Variants in APOC2 observed in about 807,000 individuals in gnomAD.
APOC2 encodes apolipoprotein C2, also known as apolipoprotein C-II.
In APOC2, 6 loss-of-function variants were observed where a neutral mutation model predicts 10.2. The ratio of observed to expected loss-of-function variants is 0.59; its 90% CI spans 0.32 to 1.16. The LOEUF (loss-of-function observed/expected upper bound fraction) is 1.16. Among genes scored for constraint, APOC2 ranks in the 50% most tolerant of loss-of-function variants. The probability of loss-of-function intolerance (pLI) is 0.05; values close to 1 mark genes in which losing one functional copy is unlikely to be tolerated. For missense variants in APOC2, 110 were observed against 117.6 expected (o/e 0.94, Z 0.30); for synonymous variants, 56 against 48.5 (o/e 1.15, Z -0.64).
At chr19:44,947,388 C>T (rs1162478091) in intron 1 of APOC2, 1 of 152,294 alleles carries the variant, frequency 6.6e-6, no homozygotes, top group Non-Finnish European at 1.5e-5. Context: ...ATTTGATCTA[C>T]TGTAGGTCCT....
Position 44,949,365 on chromosome 19 carries a change from T to C in APOC2, c.*116T>C, listed in dbSNP as rs537917972. 1.3e-3 allele frequency: 983 copies of C among 780,960 alleles called. 1 individual carries two copies. Among genetic ancestry groups the C allele is most frequent in the Non-Finnish European group, 1.5e-3 (670 of 451,970 alleles). The allele number at this position is 780,960 out of a possible 1,614,324, so 48.4% of individuals were successfully genotyped here. A position where few individuals can be genotyped will look rare whatever the true frequency, so the allele number is the denominator to read the frequency against. ...TTGCATCCTCCTCCCAACTCTAGCC[T>C]GAATTCTTTTCAATAAAAAATACAA... On this transcript the variant is annotated 3_prime_UTR_variant, in exon 4 of 4. Transcript: ENST00000252490.
rs1970359518 is a variant in APOC2, at chr19:44,949,305, C to G, written c.*56C>G. 7.1e-7 allele frequency: 1 copy of G among 1,402,774 alleles called. No individual in the cohort carries two copies. Among genetic ancestry groups the G allele is most frequent in the African/African-American group, 1.4e-5 (1 of 70,904 alleles). The allele number at this position is 1,402,774 out of a possible 1,614,324, so 86.9% of individuals were successfully genotyped here. Reference sequence around the variant, plus strand: ...AGAGTCCCCTACTCCCCTGATCCCCCAGGTTCAGACTGAGCTCCCCCTTCC... The same window carrying G: ...AGAGTCCCCTACTCCCCTGATCCCCGAGGTTCAGACTGAGCTCCCCCTTCC... On this transcript the variant is annotated 3_prime_UTR_variant, in exon 4 of 4. Transcript: ENST00000252490.
chr19:44,946,191 C>CTCTGTGTGTG (rs1302189302), intron 1 of APOC2, 116 bp downstream of exon 1: 1 of 134,048 alleles, frequency 7.5e-6, no homozygotes, highest in Non-Finnish European at 1.6e-5. Context: ...GGAACCATGA[C>CTCTGTGTGTG]TGTGTGTGTG....
intron 1 of APOC2, 116 bp downstream of exon 1, chr19:44,946,191 C>CTGTG (rs71338739): frequency 0.051 from 6,823 of 133,940 alleles, 211 homozygotes; most frequent in Middle Eastern, 0.11. Flanking sequence ...GGAACCATGA[C>CTGTG]TGTGTGTGTG....
Position 44,948,501 on chromosome 19 carries a change from C to A in APOC2, c.23C>A (p.Ala8Asp). The part of the protein sequence containing the change: MGTRLLP[A>D]LFLVLLVLGF... Reference sequence around the variant, plus strand: ...ACTATGGGCACACGACTCCTCCCAGCTCTGTTTCTTGTCCTCCTGGTATTG... The same window carrying A: ...ACTATGGGCACACGACTCCTCCCAGATCTGTTTCTTGTCCTCCTGGTATTG... Residue 8 changes from alanine to aspartate, a missense_variant, in exon 2 of 4, where the codon GCT becomes GAT. Physicochemically the swap from Ala to Asp is moderately radical, Grantham distance 126. Coordinates refer to ENST00000252490, the MANE Select transcript of APOC2 (RefSeq NM_000483.5). 1 of 1,614,120 alleles carries A rather than the reference C, an allele frequency of 6.2e-7. No homozygotes were observed. The highest frequency in any genetic ancestry group is 8.5e-7 in the Non-Finnish European group (1 of 1,180,006).
chr19:44,948,914 A>G (rs1970352816), intron 3 of APOC2, 54 bp downstream of exon 3: 9 of 1,604,138 alleles, frequency 5.6e-6, no homozygotes, highest in Non-Finnish European at 7.6e-6. Context: ...GACTGCATCC[A>G]GGACCCAGAA....
chr19:44,949,494 G>C lies in APOC2; in HGVS notation c.*245G>C, dbSNP rs895588800. The C allele has an allele frequency of 1.8e-6, 1 of 560,426 alleles. No homozygotes were observed. Among genetic ancestry groups the C allele is most frequent in the Non-Finnish European group, 3.2e-6 (1 of 311,722 alleles). The allele number at this position is 560,426 out of a possible 1,614,324, so 34.7% of individuals were successfully genotyped here. ...AACATTTAATGAGCACCTACTTTATGTATGGAGCTCTAACCCATGGGTCCA... is the reference window on the plus strand; with the variant it reads ...AACATTTAATGAGCACCTACTTTATCTATGGAGCTCTAACCCATGGGTCCA... On this transcript the variant is annotated 3_prime_UTR_variant, in exon 4 of 4. Transcript: ENST00000252490.
chr19:44,946,995 T>C (rs12721076), intron 1 of APOC2, among the ~76,000 whole-genome samples: 16,982 of 151,934 alleles, frequency 0.11, 1,135 homozygotes, highest in South Asian at 0.25. Context: ...CTACTAAAAA[T>C]ACAAAAATTA....
rs773825841 is a variant in APOC2 at position 44,947,569 on chromosome 19, G to C, written c.-13-897G>C. The stretch of plus-strand genomic sequence containing the variant: ...CAGCACCCTGGGGAGGCCGAGATGG[G>C]AGGATCGCTTGAGCCCAGGAGTTCC... On this transcript the variant is annotated intron_variant, in intron 1 of 3. Transcript: ENST00000252490. Among the ~76,000 whole-genome samples the C allele has an allele frequency of 1.3e-5, 2 of 152,144 alleles. 1 individual carries two copies. The highest frequency in any genetic ancestry group is 2.9e-5 in the Non-Finnish European group (2 of 68,018).
In APOC2 at chr19:44,949,295, C is replaced by T. The variant is rs1175315985; in HGVS notation, c.*46C>T. 8 of 1,510,758 alleles carry T rather than the reference C, an allele frequency of 5.3e-6. No homozygotes were observed. In the South Asian group the frequency reaches 8.1e-5, roughly 15 times the overall value. 93.6% of individuals were successfully genotyped at this position (1,510,758 alleles called of 1,614,324 possible). ...GGACAAGGGGAGAGTCCCCTACTCC[C>T]CTGATCCCCCAGGTTCAGACTGAGC... On this transcript the variant is annotated 3_prime_UTR_variant, in exon 4 of 4. Transcript: ENST00000252490.
In APOC2 at chr19:44,948,822, C is replaced by T. The variant is rs120074111; in HGVS notation, c.177C>T (p.Tyr59=). Residue 59 remains tyrosine, a synonymous_variant, in exon 3 of 4, where the codon TAC becomes TAT. Transcript: ENST00000252490. ...CAAAGACAGCCGCCCAGAACCTGTA[C>T]GAGAAGACATACCTGCCCGCTGTAG... ...ESAKTAAQNL[Y]EKTYLPAVDE... is the part of the protein sequence containing the mutation. 1.2e-5 allele frequency: 19 copies of T among 1,613,844 alleles called. No individual in the cohort carries two copies. The highest frequency in any genetic ancestry group is 2.2e-5 in the South Asian group (2 of 91,092).
chr19:44,946,862 G>C (rs1434314218), intron 1 of APOC2, among the ~76,000 whole-genome samples: 1 of 152,018 alleles, frequency 6.6e-6, no homozygotes, highest in African/African-American at 2.4e-5. Flanking sequence ...AACTAAAAAA[G>C]AACTGTAGGC....
rs1491144990 is a variant in APOC2 at position 44,949,018 on chromosome 19, TCC to T, written c.216-139_216-138del. 8.3e-4 allele frequency: 874 copies of T among 1,057,056 alleles called. 27 individuals are homozygous for T. The highest frequency in any genetic ancestry group is 2.7e-3 in the African/African-American group (122 of 45,778). 65.5% of individuals were successfully genotyped at this position (1,057,056 alleles called of 1,614,324 possible). A position where few individuals can be genotyped will look rare whatever the true frequency, so the allele number is the denominator to read the frequency against. The stretch of plus-strand genomic sequence containing the variant: ...AGGAGTCCAGGCCCCCAGCCCGTCC[TCC>T]CTCAGACCCAGGAGTCCAGGCCCCC... On this transcript the variant is annotated intron_variant, in intron 3 of 3. Coordinates refer to ENST00000252490, the MANE Select transcript of APOC2 (RefSeq NM_000483.5).
At position 44,947,249 on chromosome 19, in the gene APOC2, G is replaced by T. The variant is rs961821598; in HGVS notation, c.-14+1174G>T. ...CCGTACTTCCTCATCTCCTACGTGT[G>T]GATGATGATATTGTGCCCTGTGCAT... On this transcript the variant is annotated intron_variant, in intron 1 of 3. Transcript: ENST00000252490. The T allele has an allele frequency of 2.6e-5, 4 of 152,374 alleles. No homozygotes were observed. In the East Asian group the frequency reaches 7.7e-4, roughly 29 times the overall value. 9.4% of individuals were successfully genotyped at this position (152,374 alleles called of 1,614,324 possible).
At position 44,948,553 on chromosome 19, in the gene APOC2, G is replaced by A. The variant is rs2122209583; in HGVS notation, c.55+20G>A. ...GATTTGGTGAGTGTGGGCTTCCGGG[G>A]AGGGAAGCCTTGGGGAGGGGAATGA... On this transcript the variant is annotated intron_variant, in intron 2 of 3. Transcript: ENST00000252490. 3.1e-6 allele frequency: 5 copies of A among 1,612,698 alleles called. No homozygotes were observed. The highest frequency in any genetic ancestry group is 1.7e-4 in the Middle Eastern group (1 of 6,058).
intron 3 of APOC2, 71 bp downstream of exon 3, chr19:44,948,931 GC>G: frequency 6.3e-7 from 1 of 1,592,362 alleles, no homozygotes; most frequent in Non-Finnish European, 8.5e-7. Flanking sequence ...AGAAGTTCAG[GC>G]CCCAGCCCCT....
chr19:44,949,013 C>T lies in APOC2; in HGVS notation c.216-146C>T, dbSNP rs1970354339. ...GACCCAGGAGTCCAGGCCCCCAGCC[C>T]GTCCTCCCTCAGACCCAGGAGTCCA... is the stretch of plus-strand genomic sequence containing the variant. On this transcript the variant is annotated intron_variant, in intron 3 of 3. Coordinates refer to ENST00000252490, the MANE Select transcript of APOC2 (RefSeq NM_000483.5). 7 of 998,860 alleles carry T rather than the reference C, an allele frequency of 7.0e-6. 1 individual carries two copies. The highest frequency in any genetic ancestry group is 6.7e-5 in the East Asian group (2 of 29,980). The allele number at this position is 998,860 out of a possible 1,614,324, so 61.9% of individuals were successfully genotyped here. A position where few individuals can be genotyped will look rare whatever the true frequency, so the allele number is the denominator to read the frequency against.
Position 44,948,718 on chromosome 19 carries a change from C to G in APOC2, c.73C>G (p.Gln25Glu). ...VLGFEVQGTQ[Q>E]PQQDEMPSPT... ...CCCTGCAGAGGTCCAGGGGACCCAA[C>G]AGCCCCAGCAAGATGAGATGCCTAG... The change falls in exon 3 of 4, where the codon CAG becomes GAG. Residue 25 changes from glutamine (Q) to glutamate (E), a missense_variant. Gln to Glu is a conservative substitution (Grantham distance 29). Coordinates refer to ENST00000252490, the MANE Select transcript of APOC2 (RefSeq NM_000483.5). 1 of 1,614,154 alleles carries G rather than the reference C, an allele frequency of 6.2e-7. No homozygotes were observed.
At chr19:44,947,633 C>T (rs1052917344) in intron 1 of APOC2, among the ~76,000 whole-genome samples, 2 of 151,978 alleles carry the variant, frequency 1.3e-5, no homozygotes, top group African/African-American at 4.8e-5. Flanking sequence ...CCCATCTCTA[C>T]AAAAGAATAA....
Sources: allele counts gnomAD v4.1 joint callset (sites outside exome capture counted in the v4.1 genomes callset), GRCh38; gene constraint gnomAD v4.1.1; transcripts MANE v1.5; gene names NCBI Gene and HGNC (gene_info 2026-07-23, HGNC 2026-07-21).